The following IL1RAPL1 variants were observed in gnomAD, a reference collection of about 807,000 sequenced individuals.
IL1RAPL1 encodes interleukin-1 receptor accessory protein-like 1.
IL1RAPL1 carries 3 observed loss-of-function variants against 48.4 expected under a neutral mutation model. The ratio of observed to expected loss-of-function variants is 0.06; its 90% confidence interval spans 0.03 to 0.16. The LOEUF (loss-of-function observed/expected upper bound fraction) is 0.16, where lower values mean the gene tolerates loss of function less well. Ranked by LOEUF, IL1RAPL1 falls within the 10% of genes least tolerant of loss-of-function variation. The pLI is 1.00. For missense variants in IL1RAPL1, 349 were observed against 530.6 expected (o/e 0.66, Z 3.36); for synonymous variants, 185 against 187.7 (o/e 0.99, Z 0.12).
In IL1RAPL1 at chrX:29,080,924, TTTTCTTTCTTTC is replaced by T. The variant is rs1270246223; in HGVS notation, c.83-201952_83-201941del. On this transcript the variant is annotated intron_variant, in intron 2 of 10. Transcript: ENST00000378993. ...CATCCAGCTATTTTTTTTAAATATT[TTTTCTTTCTTTC>T]TTTCTTTCTTTCTTTCTTTCTTTCT... Among the ~76,000 whole-genome samples, 72 of 67,877 alleles carry T rather than the reference TTTTCTTTCTTTC, an allele frequency of 1.1e-3. 1 individual carries two copies. The highest frequency in any genetic ancestry group is 1.2e-3 in the Non-Finnish European group (43 of 36,754). 58.9% of individuals were successfully genotyped at this position (67,877 alleles called of 115,157 possible).
intron 2 of IL1RAPL1, among the ~76,000 whole-genome samples, chrX:28,873,685 C>T (rs1922282957): frequency 9.3e-6 from 1 of 107,950 alleles, no homozygotes; most frequent in Admixed American, 9.9e-5. Flanking sequence ...GAGCCCGCCA[C>T]CACAGCCGGC....
intron 5 of IL1RAPL1, among the ~76,000 whole-genome samples, chrX:29,601,211 A>G (rs916079740): frequency 8.9e-6 from 1 of 112,356 alleles, no homozygotes; most frequent in Non-Finnish European, 1.9e-5. Flanking sequence ...ATATAAATTC[A>G]TGTTTGACTA....
chrX:29,217,775 TCTCACACACACA>T (rs1365085072), intron 2 of IL1RAPL1, among the ~76,000 whole-genome samples: 50 of 68,412 alleles, frequency 7.3e-4, no homozygotes, highest in African/African-American at 3.6e-3. Flanking sequence ...TCTCTCTCTC[TCTCACACACACA>T]CACACACACA....
intron 1 of IL1RAPL1, among the ~76,000 whole-genome samples, chrX:28,609,664 A>ACACAC (rs1569137648): frequency 1.1e-4 from 8 of 70,650 alleles, no homozygotes; most frequent in African/African-American, 4.3e-4. Flanking sequence ...CACACACACA[A>ACACAC]CATACCTACC....
At chrX:29,226,365 T>A (rs1424378116) in intron 2 of IL1RAPL1, among the ~76,000 whole-genome samples, 2 of 111,007 alleles carry the variant, frequency 1.8e-5, no homozygotes, top group African/African-American at 6.5e-5. Context: ...TATAATGATG[T>A]TCCACAGTTG....
rs536944237 is a variant in IL1RAPL1, at chrX:28,712,191, G to A, written c.-24-77129G>A. Among the ~76,000 whole-genome samples, 70 of 110,971 alleles carry A rather than the reference G, an allele frequency of 6.3e-4. 2 individuals are homozygous for A. The South Asian group carries it at 0.025, about 40-fold the overall frequency. ...TTGAGGGCCACAGTCATGGGTGTGG[G>A]GTGTGGCTTATACTTACCTAGGCTT... is the stretch of plus-strand genomic sequence containing the variant. On this transcript the variant is annotated intron_variant, in intron 1 of 10. Transcript: ENST00000378993.
intron 5 of IL1RAPL1, among the ~76,000 whole-genome samples, chrX:29,618,121 T>G (rs1924346282): frequency 8.9e-6 from 1 of 111,740 alleles, no homozygotes; most frequent in South Asian, 3.7e-4. Context: ...AAGAATTCTG[T>G]AAATGTTATC....
At chrX:29,554,045 A>G (rs1173739575) in intron 5 of IL1RAPL1, among the ~76,000 whole-genome samples, 4 of 110,591 alleles carry the variant, frequency 3.6e-5, no homozygotes, top group African/African-American at 1.3e-4. Context: ...GGATCCAAGA[A>G]AAGTCAATGA....
intron 5 of IL1RAPL1, among the ~76,000 whole-genome samples, chrX:29,568,730 T>C (rs1389520114): frequency 9.0e-6 from 1 of 111,424 alleles, no homozygotes. Flanking sequence ...TCAATGAGGG[T>C]AATTTCATAG....
intron 2 of IL1RAPL1, among the ~76,000 whole-genome samples, chrX:28,983,676 C>T (rs1925397431): frequency 9.0e-6 from 1 of 111,666 alleles, no homozygotes; most frequent in Admixed American, 9.5e-5. Context: ...AAACAAAAAT[C>T]ACAAGGTAAA....
At chrX:29,886,841 T>C in intron 6 of IL1RAPL1, among the ~76,000 whole-genome samples, 1 of 112,134 alleles carries the variant, frequency 8.9e-6, no homozygotes, top group Non-Finnish European at 1.9e-5. Context: ...AAGCCTATCA[T>C]ACAAAATATA....
At chrX:29,631,543 A>G (rs951411211) in intron 5 of IL1RAPL1, among the ~76,000 whole-genome samples, 18 of 112,230 alleles carry the variant, frequency 1.6e-4, no homozygotes, top group Non-Finnish European at 3.2e-4. Flanking sequence ...GGCCCCCACA[A>G]AGTTCTGGGA....
chrX:29,005,631 C>G (rs951169412), intron 2 of IL1RAPL1, among the ~76,000 whole-genome samples: 4 of 111,368 alleles, frequency 3.6e-5, no homozygotes, highest in African/African-American at 1.3e-4. Context: ...AAAATGACCC[C>G]AATTTTTCCC....
chrX:29,590,678 C>CA (rs1923341432), intron 5 of IL1RAPL1, among the ~76,000 whole-genome samples: 1 of 111,770 alleles, frequency 8.9e-6, no homozygotes, highest in African/African-American at 3.3e-5. Context: ...AGGTCAACCT[C>CA]AAAACTCCAC....
At chrX:28,728,690 A>C (rs1209736044) in intron 1 of IL1RAPL1, among the ~76,000 whole-genome samples, 2 of 111,777 alleles carry the variant, frequency 1.8e-5, no homozygotes, top group Non-Finnish European at 3.8e-5. Flanking sequence ...ACTAATGTTT[A>C]TTTTCCAAAA....
At chrX:29,366,858 C>T (rs1203366601) in intron 3 of IL1RAPL1, among the ~76,000 whole-genome samples, 2 of 111,155 alleles carry the variant, frequency 1.8e-5, no homozygotes, top group Non-Finnish European at 3.8e-5. Flanking sequence ...TGAGCCACTG[C>T]GCCCGGCCTG....
At chrX:29,551,310 C>T (rs777206176) in intron 5 of IL1RAPL1, among the ~76,000 whole-genome samples, 2 of 111,758 alleles carry the variant, frequency 1.8e-5, no homozygotes, top group East Asian at 2.8e-4. Context: ...TATTTTGTTA[C>T]GTGCTGATGA....
chrX:29,309,975 T>G (rs1345238477), intron 3 of IL1RAPL1, among the ~76,000 whole-genome samples: 3 of 103,584 alleles, frequency 2.9e-5, no homozygotes, highest in African/African-American at 1.1e-4. Flanking sequence ...GCGCCTGTAG[T>G]CCCAGCTACT....
At chrX:29,803,829 A>G (rs944706914) in intron 6 of IL1RAPL1, among the ~76,000 whole-genome samples, 44 of 110,438 alleles carry the variant, frequency 4.0e-4, no homozygotes, top group African/African-American at 1.3e-3. Context: ...AACAAGTAGC[A>G]TTACTTTAAA....
Sources: gnomAD v4.1 joint callset for allele counts (sites outside exome capture counted in the v4.1 genomes callset) on GRCh38, gnomAD v4.1.1 for gene constraint, MANE v1.5 for transcripts, NCBI Gene and HGNC (gene_info 2026-07-23, HGNC 2026-07-21) for gene names.